Variants in KIAA1217 observed in about 807,000 individuals in gnomAD.
KIAA1217 encodes sickle tail protein homolog.
A neutral mutation model predicts 163.9 loss-of-function variants in KIAA1217; 88 were observed. The ratio of observed to expected loss-of-function variants is 0.54; its 90% CI spans 0.45 to 0.64. KIAA1217 has a LOEUF of 0.64. Ranked by LOEUF, KIAA1217 falls within the 30% of genes least tolerant of loss-of-function variation. The probability of loss-of-function intolerance (pLI) is 0.00; values close to 1 mark genes in which losing one functional copy is unlikely to be tolerated. For synonymous variants in KIAA1217, 903 were observed against 923.1 expected, an observed-to-expected ratio of 0.98 and a Z score of 0.39; for missense variants, 2,372 against 2,475.0, an observed-to-expected ratio of 0.96 and a Z score of 0.88.
chr10:23,955,615 A>G (rs1314837451), intron 1 of KIAA1217, among the ~76,000 whole-genome samples: 1 of 152,144 alleles, frequency 6.6e-6, no homozygotes, highest in Non-Finnish European at 1.5e-5. Flanking sequence ...CGTCTGCCCA[A>G]TGGGAAGGCT....
chr10:24,132,217 C>G (rs1406358260), intron 2 of KIAA1217, among the ~76,000 whole-genome samples: 1 of 152,168 alleles, frequency 6.6e-6, no homozygotes, highest in Non-Finnish European at 1.5e-5. Flanking sequence ...CTCAGTCACA[C>G]AGTCCCACCT....
chr10:23,719,684 C>G (rs1837760694), intron 1 of KIAA1217, among the ~76,000 whole-genome samples: 1 of 152,018 alleles, frequency 6.6e-6, no homozygotes, highest in Non-Finnish European at 1.5e-5. Flanking sequence ...TTTGGGAGGC[C>G]AAGGCAGGCG....
intron 2 of KIAA1217, among the ~76,000 whole-genome samples, chr10:24,175,956 T>C (rs1183910186): frequency 1.3e-5 from 2 of 152,184 alleles, no homozygotes; most frequent in African/African-American, 4.8e-5. Context: ...GCAATATTTA[T>C]TGCAAAGGGA....
Position 24,339,795 on chromosome 10 carries a change from A to G in KIAA1217, c.355-41074A>G, listed in dbSNP as rs182220878. On this transcript the variant is annotated intron_variant, in intron 2 of 20. Coordinates refer to ENST00000376454, the MANE Select transcript of KIAA1217 (RefSeq NM_019590.5). ...ATCCACCATTTAATTGCATTTAGGG[A>G]CCATGATTATGAGGAGACATCTTTT... Among the ~76,000 whole-genome samples the G allele has an allele frequency of 1.9e-3, 291 of 152,314 alleles. 1 individual carries two copies. Among genetic ancestry groups the G allele is most frequent in the Non-Finnish European group, 2.6e-3 (174 of 68,038 alleles).
intron 1 of KIAA1217, among the ~76,000 whole-genome samples, chr10:23,917,169 A>G (rs935229287): frequency 6.6e-6 from 1 of 152,228 alleles, no homozygotes; most frequent in South Asian, 2.1e-4. Flanking sequence ...TCTGGTGGCT[A>G]TCATGACCAA....
chr10:23,852,672 G>A (rs1171000156), intron 1 of KIAA1217, among the ~76,000 whole-genome samples: 1 of 152,122 alleles, frequency 6.6e-6, no homozygotes, highest in Non-Finnish European at 1.5e-5. Context: ...CCATTTGTTT[G>A]TATCCTCTTT....
chr10:24,426,748 G>A (rs958168887), intron 3 of KIAA1217, among the ~76,000 whole-genome samples: 2 of 152,194 alleles, frequency 1.3e-5, no homozygotes, highest in Non-Finnish European at 2.9e-5. Context: ...TTGTTCAGAG[G>A]ACTTGATGTA....
intron 1 of KIAA1217, among the ~76,000 whole-genome samples, chr10:23,972,181 A>C (rs532765006): frequency 6.6e-6 from 1 of 152,302 alleles, no homozygotes; most frequent in East Asian, 1.9e-4. Flanking sequence ...TCTTCATGTC[A>C]ACCATTGTGG....
intron 3 of KIAA1217, among the ~76,000 whole-genome samples, chr10:24,402,133 G>A (rs1340134132): frequency 6.6e-6 from 1 of 152,092 alleles, no homozygotes; most frequent in Admixed American, 6.5e-5. Context: ...AAGATCTATA[G>A]GTTTAAAAAT....
intron 1 of KIAA1217, among the ~76,000 whole-genome samples, chr10:23,779,734 G>T (rs1321343622): frequency 3.3e-5 from 5 of 152,106 alleles, no homozygotes; most frequent in African/African-American, 1.2e-4. Context: ...ACATTGATGT[G>T]AATAGTAACT....
chr10:23,709,100 C>T (rs1162673436), intron 1 of KIAA1217, among the ~76,000 whole-genome samples: 1 of 152,168 alleles, frequency 6.6e-6, no homozygotes, highest in African/African-American at 2.4e-5. Flanking sequence ...TTTTCTGTTG[C>T]GGTGTTCATG....
In KIAA1217 at chr10:24,088,199, C is replaced by G. The variant is rs1373126881; in HGVS notation, c.-171+80825C>G. Among the ~76,000 whole-genome samples the G allele has an allele frequency of 1.7e-5, 2 of 117,414 alleles. 1 individual carries two copies. The highest frequency in any genetic ancestry group is 4.2e-5 in the Non-Finnish European group (2 of 47,966). 77.0% of individuals were successfully genotyped at this position (117,414 alleles called of 152,430 possible). The stretch of plus-strand genomic sequence containing the variant: ...CTGGAGGCACATGGATCTCCTCTGC[C>G]CAGGCTCAAGGAACATCCCAAACTT... On this transcript the variant is annotated intron_variant, in intron 2 of 18. Transcript: ENST00000376462.
chr10:24,094,278 G>A (rs1473323287), intron 2 of KIAA1217, among the ~76,000 whole-genome samples: 1 of 152,144 alleles, frequency 6.6e-6, no homozygotes, highest in Non-Finnish European at 1.5e-5. Flanking sequence ...CAGTGTAAAA[G>A]TGTTCCTATT....
At chr10:23,960,990 G>A (rs1844795705) in intron 1 of KIAA1217, among the ~76,000 whole-genome samples, 1 of 152,010 alleles carries the variant, frequency 6.6e-6, no homozygotes, top group South Asian at 2.1e-4. Flanking sequence ...ATATTTTTAT[G>A]GATTATAAAT....
At chr10:24,326,061 C>T (rs1248892168) in intron 2 of KIAA1217, among the ~76,000 whole-genome samples, 1 of 152,176 alleles carries the variant, frequency 6.6e-6, no homozygotes, top group Non-Finnish European at 1.5e-5. Flanking sequence ...GTTTCCATCA[C>T]TCCAGGACCG....
intron 14 of KIAA1217, 25 bp downstream of exon 14, chr10:24,528,144 A>G: frequency 6.2e-7 from 1 of 1,610,342 alleles, no homozygotes; most frequent in Non-Finnish European, 8.5e-7. Context: ...CACAGCAGGA[A>G]TATATGGAGG....
intron 1 of KIAA1217, among the ~76,000 whole-genome samples, chr10:23,916,274 C>T (rs918095915): frequency 6.6e-6 from 1 of 152,188 alleles, no homozygotes; most frequent in African/African-American, 2.4e-5. Flanking sequence ...AACCTCATTT[C>T]AATTACGGCT....
At chr10:24,095,949 A>G (rs139080429) in intron 2 of KIAA1217, among the ~76,000 whole-genome samples, 365 of 152,252 alleles carry the variant, frequency 2.4e-3, no homozygotes, top group African/African-American at 7.7e-3. Context: ...CGAAAAACAA[A>G]AAGTTTTCAT....
chr10:23,785,407 A>T (rs1835446864), intron 1 of KIAA1217, among the ~76,000 whole-genome samples: 1 of 152,126 alleles, frequency 6.6e-6, no homozygotes, highest in African/African-American at 2.4e-5. Flanking sequence ...CTGTTATGGG[A>T]CTTGACATAG....
Sources: gnomAD v4.1 joint callset for allele counts (sites outside exome capture counted in the v4.1 genomes callset) on GRCh38, gnomAD v4.1.1 for gene constraint, MANE v1.5 for transcripts, NCBI Gene and HGNC (gene_info 2026-07-23, HGNC 2026-07-21) for gene names.